Variants in CSMD1 observed in about 807,000 individuals in gnomAD.
CSMD1 encodes CUB and sushi domain-containing protein 1.
A neutral mutation model predicts 417.5 loss-of-function variants in CSMD1; 213 were observed. The observed-to-expected ratio is 0.51, with a 90% CI of 0.46 to 0.57. The LOEUF is 0.57. Among genes scored for constraint, CSMD1 ranks in the 20% least tolerant of loss-of-function variants. CSMD1 has a pLI of 0.00. For synonymous variants in CSMD1, 2,862 were observed against 1,736.8 expected, an observed-to-expected ratio of 1.65 and a Z score of -16.11; for missense variants, 6,923 against 4,529.7, an observed-to-expected ratio of 1.53 and a Z score of -15.17.
At chr8:3,470,108 C>G (rs1050374577) in intron 11 of CSMD1, among the ~76,000 whole-genome samples, 4 of 152,198 alleles carry the variant, frequency 2.6e-5, no homozygotes, top group South Asian at 2.1e-4. Flanking sequence ...CCAAAGCCTT[C>G]TTGTACCTTC....
chr8:3,724,335 C>A (rs779809498), intron 6 of CSMD1, among the ~76,000 whole-genome samples: 2 of 152,032 alleles, frequency 1.3e-5, no homozygotes, highest in Admixed American at 6.6e-5. Flanking sequence ...TCTCCCAATG[C>A]TATCCCGGGT....
chr8:4,491,607 G>C (rs1801706034), intron 2 of CSMD1, among the ~76,000 whole-genome samples: 1 of 152,084 alleles, frequency 6.6e-6, no homozygotes, highest in Non-Finnish European at 1.5e-5. Flanking sequence ...CATGAAAAAA[G>C]ATACAAGGAG....
At chr8:4,904,607 A>G (rs79831038) in intron 1 of CSMD1, among the ~76,000 whole-genome samples, 1,624 of 152,222 alleles carry the variant, frequency 0.011, 28 homozygotes, top group African/African-American at 0.036. Context: ...CACATATATG[A>G]GTGAGCCAGG....
intron 7 of CSMD1, among the ~76,000 whole-genome samples, chr8:3,676,736 T>A (rs1053455027): frequency 6.6e-6 from 1 of 152,102 alleles, no homozygotes. Context: ...GAAATACGTA[T>A]ATAATAAACA....
intron 3 of CSMD1, among the ~76,000 whole-genome samples, chr8:4,122,222 T>G (rs1002199372): frequency 5.3e-5 from 8 of 152,192 alleles, no homozygotes; most frequent in Non-Finnish European, 4.4e-5. Flanking sequence ...ATTTGCTGAC[T>G]TTTGTGAGGG....
chr8:4,765,781 G>A (rs1444130182), intron 1 of CSMD1, among the ~76,000 whole-genome samples: 2 of 152,144 alleles, frequency 1.3e-5, no homozygotes, highest in Non-Finnish European at 2.9e-5. Context: ...ATAATAGAGA[G>A]AGCCTGGGGG....
At chr8:4,673,886 A>G (rs1805508877) in intron 1 of CSMD1, among the ~76,000 whole-genome samples, 1 of 152,154 alleles carries the variant, frequency 6.6e-6, no homozygotes, top group Non-Finnish European at 1.5e-5. Context: ...GGGAATGGTA[A>G]TGATTGCTGA....
intron 3 of CSMD1, among the ~76,000 whole-genome samples, chr8:4,384,989 C>T (rs559459622): frequency 2.0e-5 from 3 of 152,268 alleles, no homozygotes; most frequent in East Asian, 1.9e-4. Context: ...GGCGCAATCT[C>T]GATCTCGGCT....
At chr8:3,423,981 C>T (rs1328910724) in intron 12 of CSMD1, among the ~76,000 whole-genome samples, 1 of 152,056 alleles carries the variant, frequency 6.6e-6, no homozygotes, top group Non-Finnish European at 1.5e-5. Flanking sequence ...TTCACAGTAC[C>T]AGTTTTCTTT....
intron 3 of CSMD1, among the ~76,000 whole-genome samples, chr8:4,190,120 G>A (rs534442097): frequency 1.7e-4 from 26 of 151,900 alleles, no homozygotes; most frequent in African/African-American, 3.9e-4. Flanking sequence ...TGAGCCGGGC[G>A]TGGTGGCAGG....
At chr8:4,031,791 A>G in intron 4 of CSMD1, 114 bp downstream of exon 4, 1 of 727,696 alleles carries the variant, frequency 1.4e-6, no homozygotes, top group Non-Finnish European at 2.1e-6. Flanking sequence ...CTGACATTGT[A>G]AGAGTCAGCT....
In CSMD1 at chr8:3,157,916, A is replaced by G; in HGVS notation, c.5895T>C (p.Tyr1965=). ...CCTTACCAATGCACAGGGGAGACGG[A>G]TAGTTCCAACGGCGAACGGTCCCTG... ...CMPGTVRRWN[Y]PSPLCIATCG... is the part of the protein sequence containing the mutation. The change falls in exon 39 of 70, where the codon TAT becomes TAC. Residue 1965 remains tyrosine (Y), a synonymous_variant. Coordinates refer to ENST00000635120, the MANE Select transcript of CSMD1 (RefSeq NM_033225.6). The G allele has an allele frequency of 6.4e-7, 1 of 1,554,710 alleles. No individual in the cohort carries two copies. Among genetic ancestry groups the G allele is most frequent in the Non-Finnish European group, 8.7e-7 (1 of 1,148,624 alleles).
At chr8:4,218,671 T>C (rs1442400599) in intron 3 of CSMD1, among the ~76,000 whole-genome samples, 1 of 152,200 alleles carries the variant, frequency 6.6e-6, no homozygotes, top group Non-Finnish European at 1.5e-5. Context: ...GTGGTTAGGC[T>C]CTAAAGCTTG....
chr8:3,326,104 G>A (rs943971890), intron 23 of CSMD1, among the ~76,000 whole-genome samples: 1 of 152,128 alleles, frequency 6.6e-6, no homozygotes, highest in Non-Finnish European at 1.5e-5. Flanking sequence ...CAGAATGCTT[G>A]GCTTCTTCCC....
chr8:3,180,583 T>C lies in CSMD1; in HGVS notation c.5725+527A>G, dbSNP rs141929692. Among the ~76,000 whole-genome samples, 604 of 152,324 alleles carry C rather than the reference T, an allele frequency of 4.0e-3. 2 individuals carry two copies. Among genetic ancestry groups the C allele is most frequent in the African/African-American group, 0.014 (586 of 41,568 alleles). On this transcript the variant is annotated intron_variant, in intron 37 of 69. Transcript: ENST00000635120. Reference sequence around the variant, plus strand: ...GCAGTTATATCTAATTACTTGAGATTTGAACTTATACATTTACCCATTAAT... The same window carrying C: ...GCAGTTATATCTAATTACTTGAGATCTGAACTTATACATTTACCCATTAAT...
intron 2 of CSMD1, among the ~76,000 whole-genome samples, chr8:4,525,117 CTAAA>C (rs1373451129): frequency 6.6e-6 from 1 of 152,180 alleles, no homozygotes; most frequent in Non-Finnish European, 1.5e-5. Flanking sequence ...GATCATAGTG[CTAAA>C]TTTTCAATCT....
At chr8:3,490,058 G>C (rs1490045041) in intron 11 of CSMD1, among the ~76,000 whole-genome samples, 1 of 152,160 alleles carries the variant, frequency 6.6e-6, no homozygotes, top group Non-Finnish European at 1.5e-5. Flanking sequence ...AAAAGTATTT[G>C]TCGATGTATC....
At chr8:4,421,494 C>G (rs1052009710) in intron 2 of CSMD1, among the ~76,000 whole-genome samples, 1 of 151,968 alleles carries the variant, frequency 6.6e-6, no homozygotes, top group Non-Finnish European at 1.5e-5. Context: ...GTTCTCTGAC[C>G]ACACAGTGGA....
intron 3 of CSMD1, among the ~76,000 whole-genome samples, chr8:4,325,605 A>C (rs1799515560): frequency 6.6e-6 from 1 of 152,200 alleles, no homozygotes; most frequent in Non-Finnish European, 1.5e-5. Flanking sequence ...TAGGCAGGGC[A>C]ACATGAAAGC....
Sources: allele counts gnomAD v4.1 joint callset (sites outside exome capture counted in the v4.1 genomes callset), GRCh38; gene constraint gnomAD v4.1.1; transcripts MANE v1.5; gene names NCBI Gene and HGNC (gene_info 2026-07-23, HGNC 2026-07-21).